Variants in CSPP1 observed in about 807,000 individuals in gnomAD.
CSPP1 encodes the protein centrosome and spindle pole-associated protein 1.
In CSPP1, 126 loss-of-function variants were observed where a neutral mutation model predicts 164.4. The observed-to-expected ratio is 0.77, with a 90% CI of 0.66 to 0.89. The LOEUF is 0.89. Ranked by LOEUF, CSPP1 falls within the 40% of genes least tolerant of loss-of-function variation. CSPP1 has a pLI of 0.00. For missense variants in CSPP1, 1,395 were observed against 1,449.8 expected, an observed-to-expected ratio of 0.96 and a Z score of 0.61; for synonymous variants, 472 against 476.7, an observed-to-expected ratio of 0.99 and a Z score of 0.13.
Position 67,103,093 on chromosome 8 carries a change from T to C in CSPP1, c.980T>C (p.Ile327Thr), listed in dbSNP as rs1485452225. ...MPPMEHDGDV[I>T]EQSNIRISSA... is the part of the protein sequence containing the mutation. ...CCTATGGAACATGATGGGGATGTTA[T>C]AGAACAGTCAAACATAAGAATTTCA... Residue 327 changes from isoleucine (I) to threonine (T), a missense_variant, in exon 8 of 31, where the codon ATA (isoleucine) becomes ACA (threonine). Coordinates refer to ENST00000678616, the MANE Select transcript of CSPP1 (RefSeq NM_001382391.1). 2 of 1,611,454 alleles carry C rather than the reference T, an allele frequency of 1.2e-6. No individual in the cohort carries two copies. The highest frequency in any genetic ancestry group is 8.5e-7 in the Non-Finnish European group (1 of 1,177,746).
At chr8:67,087,992 A>G (rs1302059869) in intron 4 of CSPP1, among the ~76,000 whole-genome samples, 5 of 152,202 alleles carry the variant, frequency 3.3e-5, no homozygotes, top group African/African-American at 1.2e-4. Flanking sequence ...AGTATCCTCT[A>G]ACTGCCTCCA....
chr8:67,115,947 A>G lies in CSPP1; in HGVS notation c.1321A>G (p.Arg441Gly). Reference protein sequence around the residue: ...DRLKQFSVAPRHFEEMIPPER... With the variant: ...DRLKQFSVAPGHFEEMIPPER... ...ACTAAAGCAGTTTAGTGTGGCACCA[A>G]GACACTTTGAAGAGATGATACCACC... The change falls in exon 13 of 31, where the codon AGA (arginine) becomes GGA (glycine). Residue 441 changes from arginine (R) to glycine (G), a missense_variant. Arg to Gly is a moderately radical substitution (Grantham distance 125). Coordinates refer to ENST00000678616, the MANE Select transcript of CSPP1 (RefSeq NM_001382391.1). 6.2e-7 allele frequency: 1 copy of G among 1,614,002 alleles called. No homozygotes were observed. Among genetic ancestry groups the G allele is most frequent in the Non-Finnish European group, 8.5e-7 (1 of 1,179,968 alleles).
intron 12 of CSPP1, chr8:67,114,952 A>G (rs1817629397): frequency 6.6e-6 from 1 of 152,254 alleles, no homozygotes; most frequent in South Asian, 2.1e-4. Context: ...AAAAGGGCAC[A>G]TAAGTGATGT....
chr8:67,110,359 G>C (rs910916518), intron 9 of CSPP1, among the ~76,000 whole-genome samples: 1 of 151,980 alleles, frequency 6.6e-6, no homozygotes, highest in Non-Finnish European at 1.5e-5. Flanking sequence ...TCAGAGAATA[G>C]TTTAGTCTTA....
intron 22 of CSPP1, 137 bp from the exon 23 acceptor site, chr8:67,163,595 T>C: frequency 3.2e-6 from 2 of 615,462 alleles, no homozygotes; most frequent in Non-Finnish European, 5.8e-6. Context: ...GGGTAGAGTA[T>C]AGCTGGGTAA....
At chr8:67,186,967 T>A (rs915024686) in intron 28 of CSPP1, among the ~76,000 whole-genome samples, 3 of 139,978 alleles carry the variant, frequency 2.1e-5, no homozygotes, top group East Asian at 2.2e-4. Flanking sequence ...TAAATCTATC[T>A]ATCATCTATC....
At chr8:67,067,124 A>G (rs1223517564) in intron 1 of CSPP1, among the ~76,000 whole-genome samples, 1 of 152,110 alleles carries the variant, frequency 6.6e-6, no homozygotes, top group African/African-American at 2.4e-5. Flanking sequence ...GTCATTTTCC[A>G]TTTCTCATGC....
At chr8:67,080,777 G>A (rs1449692188) in intron 3 of CSPP1, 1 of 152,232 alleles carries the variant, frequency 6.6e-6, no homozygotes, top group Non-Finnish European at 1.5e-5. Flanking sequence ...ATAGGGTAAG[G>A]TCTGGGACGG....
intron 18 of CSPP1, among the ~76,000 whole-genome samples, chr8:67,150,567 C>G (rs183137245): frequency 3.3e-5 from 5 of 152,214 alleles, no homozygotes; most frequent in African/African-American, 1.2e-4. Flanking sequence ...CCACACCTGG[C>G]TAATTTTTGT....
chr8:67,088,959 A>G (rs1041378553), intron 4 of CSPP1, among the ~76,000 whole-genome samples: 1 of 151,892 alleles, frequency 6.6e-6, no homozygotes, highest in Non-Finnish European at 1.5e-5. Flanking sequence ...TTAGAGAGAC[A>G]GTCTTTTGTT....
At chr8:67,078,661 C>T (rs1485000854) in intron 3 of CSPP1, among the ~76,000 whole-genome samples, 3 of 151,810 alleles carry the variant, frequency 2.0e-5, no homozygotes, top group African/African-American at 7.3e-5. Context: ...TGTGCCTGGC[C>T]TTCCATCTTT....
chr8:67,158,022 A>C (rs1827002453), intron 19 of CSPP1, among the ~76,000 whole-genome samples: 1 of 152,238 alleles, frequency 6.6e-6, no homozygotes, highest in South Asian at 2.1e-4. Flanking sequence ...TAGAATAATC[A>C]ATTCCAAGAA....
At chr8:67,118,879 A>G in intron 15 of CSPP1, 58 bp downstream of exon 15, 5 of 1,161,510 alleles carry the variant, frequency 4.3e-6, no homozygotes, top group African/African-American at 1.5e-5. Context: ...TAAGATACAC[A>G]TAACCTAAAA....
At chr8:67,147,614 A>G (rs1430664703) in intron 17 of CSPP1, among the ~76,000 whole-genome samples, 4 of 152,078 alleles carry the variant, frequency 2.6e-5, no homozygotes, top group Non-Finnish European at 4.4e-5. Context: ...TTTCAATTTA[A>G]TGATTTTTAC....
intron 24 of CSPP1, among the ~76,000 whole-genome samples, chr8:67,167,571 C>T (rs1316148479): frequency 7.0e-6 from 1 of 143,246 alleles, no homozygotes; most frequent in East Asian, 2.1e-4. Flanking sequence ...GGGCTCCTCA[C>T]TTCTCAGACG....
rs1805124862 is a variant in CSPP1 at position 67,064,598 on chromosome 8, C to T, written c.-11+60C>T. ...GGTCCTGGGGCTGCATTCGCTGCCC[C>T]GGAGCGGGGGCAGGGGCAGTGGCTC... On this transcript the variant is annotated intron_variant, in intron 1 of 30. Coordinates refer to ENST00000678616, the MANE Select transcript of CSPP1 (RefSeq NM_001382391.1). The T allele has an allele frequency of 4.1e-6, 5 of 1,233,132 alleles. No homozygotes were observed. In the South Asian group the frequency reaches 6.9e-5, roughly 17 times the overall value. The allele number at this position is 1,233,132 out of a possible 1,614,324, so 76.4% of individuals were successfully genotyped here.
At chr8:67,076,095 T>C (rs567491603) in intron 2 of CSPP1, among the ~76,000 whole-genome samples, 153 of 152,302 alleles carry the variant, frequency 1.0e-3, no homozygotes, top group Non-Finnish European at 1.8e-3. Flanking sequence ...CTTTTTTTTT[T>C]TTCCATAACC....
chr8:67,160,956 A>G (rs1305331446), intron 21 of CSPP1, among the ~76,000 whole-genome samples: 1 of 151,934 alleles, frequency 6.6e-6, no homozygotes, highest in Non-Finnish European at 1.5e-5. Flanking sequence ...CCTCCCCAGT[A>G]GCTGGAATTA....
intron 28 of CSPP1, among the ~76,000 whole-genome samples, chr8:67,188,835 T>C (rs1835405536): frequency 6.6e-6 from 1 of 152,222 alleles, no homozygotes; most frequent in African/African-American, 2.4e-5. Flanking sequence ...CTAATCGAGC[T>C]GAACACTAGT....
Sources: allele counts gnomAD v4.1 joint callset (sites outside exome capture counted in the v4.1 genomes callset), GRCh38; gene constraint gnomAD v4.1.1; transcripts MANE v1.5; gene names NCBI Gene and HGNC (gene_info 2026-07-23, HGNC 2026-07-21).